Variants in BRWD1 observed in about 807,000 individuals in gnomAD.
BRWD1 encodes bromodomain and WD repeat domain containing 1.
BRWD1 carries 82 observed loss-of-function variants against 251.2 expected under a neutral mutation model. That is an observed-to-expected ratio of 0.33 (90% CI 0.27 to 0.39). The LOEUF is 0.39. Among genes scored for constraint, BRWD1 ranks in the 10% least tolerant of loss-of-function variants. The pLI, the probability that BRWD1 is intolerant of heterozygous loss-of-function variation, is 1.00. For synonymous variants in BRWD1, 918 were observed against 902.8 expected (o/e 1.02, Z -0.30); for missense variants, 2,233 against 2,711.6 (o/e 0.82, Z 3.92).
At chr21:39,281,496 A>G (rs1392735117) in intron 8 of BRWD1, among the ~76,000 whole-genome samples, 3 of 152,154 alleles carry the variant, frequency 2.0e-5, no homozygotes, top group Non-Finnish European at 4.4e-5. Flanking sequence ...AGAGTTCAAG[A>G]CCAGCCTAGG....
chr21:39,225,260 T>C, intron 27 of BRWD1, 63 bp from the exon 28 acceptor site: 2 of 1,178,904 alleles, frequency 1.7e-6, no homozygotes, highest in Non-Finnish European at 1.2e-6. Context: ...ATTTTTTTAA[T>C]CTACAAAATA....
chr21:39,310,811 G>T (rs1034982699), intron 4 of BRWD1, among the ~76,000 whole-genome samples: 5 of 152,096 alleles, frequency 3.3e-5, no homozygotes, highest in Admixed American at 3.3e-4. Context: ...GGCCTCAAGC[G>T]TCCTGCCAAA....
intron 18 of BRWD1, among the ~76,000 whole-genome samples, chr21:39,256,130 T>G (rs2034555730): frequency 6.6e-6 from 1 of 152,206 alleles, no homozygotes; most frequent in Admixed American, 6.5e-5. Context: ...GACAGAATCT[T>G]AACATGACTA....
At chr21:39,318,849 G>A (rs1009951980) in intron 1 of BRWD1, among the ~76,000 whole-genome samples, 1 of 152,118 alleles carries the variant, frequency 6.6e-6, no homozygotes, top group African/African-American at 2.4e-5. Context: ...CAAACTCCTG[G>A]CCTCAAGTGA....
At chr21:39,286,550 T>C (rs1366598755) in intron 8 of BRWD1, among the ~76,000 whole-genome samples, 4 of 151,976 alleles carry the variant, frequency 2.6e-5, no homozygotes, top group African/African-American at 9.7e-5. Context: ...AGTCTCACAC[T>C]GTCACCTGGT....
At chr21:39,218,454 ATGAAAAAAAT>A (rs2146518175) in intron 30 of BRWD1, 41 bp downstream of exon 30, 1 of 1,502,950 alleles carries the variant, frequency 6.7e-7, no homozygotes, top group Non-Finnish European at 8.9e-7. Context: ...AAATACCTTT[ATGAAAAAAAT>A]TGAAAAAAAA....
At chr21:39,253,435 G>C (rs2034464274) in intron 19 of BRWD1, among the ~76,000 whole-genome samples, 1 of 151,960 alleles carries the variant, frequency 6.6e-6, no homozygotes, top group Non-Finnish European at 1.5e-5. Context: ...GAAAATAAAT[G>C]CTTGTGTTTT....
chr21:39,301,044 T>C (rs927318272), intron 4 of BRWD1, among the ~76,000 whole-genome samples: 2 of 152,034 alleles, frequency 1.3e-5, no homozygotes, highest in Non-Finnish European at 2.9e-5. Context: ...CCAGGCGTGG[T>C]GGCAGGTGCC....
At chr21:39,254,055 T>C (rs2034482922) in intron 19 of BRWD1, among the ~76,000 whole-genome samples, 2 of 152,118 alleles carry the variant, frequency 1.3e-5, no homozygotes, top group African/African-American at 4.8e-5. Context: ...TCACCTGAGG[T>C]CGGGAGTTCA....
chr21:39,287,638 T>C (rs1474763349), intron 8 of BRWD1, among the ~76,000 whole-genome samples: 4 of 152,364 alleles, frequency 2.6e-5, no homozygotes, highest in African/African-American at 9.6e-5. Context: ...TCACGTTTCT[T>C]TTTTGTTCCC....
chr21:39,198,840 C>T lies in BRWD1; in HGVS notation c.5576G>A (p.Cys1859Tyr), dbSNP rs745792103. The change falls in exon 40 of 41, where the codon TGT becomes TAT. Residue 1859 changes from cysteine to tyrosine, a missense_variant. Around this residue, in one of 12 missense-constraint regions of BRWD1, gnomAD observed 928 missense variants for 970.0 expected, o/e 0.96. Transcript: ENST00000342449. ...AGTTTCACATCCATGATCTGAGGAA[C>T]ACTGGGACATAGCAATAGGGTCACA... Reference protein sequence around the residue: ...LNCDPIAMSQCSSDHGCETDL... With the variant: ...LNCDPIAMSQYSSDHGCETDL... The T allele has an allele frequency of 6.2e-7, 1 of 1,613,894 alleles. No homozygotes were observed. Among genetic ancestry groups the T allele is most frequent in the Non-Finnish European group, 8.5e-7 (1 of 1,179,840 alleles).
intron 15 of BRWD1, among the ~76,000 whole-genome samples, chr21:39,268,149 A>C (rs1177263934): frequency 1.3e-5 from 2 of 152,212 alleles, no homozygotes; most frequent in East Asian, 3.8e-4. Context: ...CAGGATATTC[A>C]GATTAGTCTC....
chr21:39,194,450 A>G lies in BRWD1; in HGVS notation c.*1809T>C. 7.5e-7 allele frequency: 1 copy of G among 1,327,332 alleles called. No homozygotes were observed. Among genetic ancestry groups the G allele is most frequent in the Non-Finnish European group, 9.6e-7 (1 of 1,040,608 alleles). The allele number at this position is 1,327,332 out of a possible 1,614,324, so 82.2% of individuals were successfully genotyped here. On this transcript the variant is annotated 3_prime_UTR_variant, in exon 41 of 41. Coordinates refer to ENST00000342449, the MANE Select transcript of BRWD1 (RefSeq NM_033656.4). ...TCAGTCTTAGTCAAGGACAATTATC[A>G]TGAATCAATCTGTTTACTATCTACT... is the stretch of plus-strand genomic sequence containing the variant.
chr21:39,305,594 G>C (rs537991616), intron 4 of BRWD1, among the ~76,000 whole-genome samples: 1 of 152,254 alleles, frequency 6.6e-6, no homozygotes, highest in Admixed American at 6.5e-5. Flanking sequence ...GCCTGGTGCA[G>C]TGGCTCACAC....
chr21:39,276,290 C>T (rs2035279425), intron 11 of BRWD1, 77 bp from the exon 12 acceptor site: 1 of 1,349,358 alleles, frequency 7.4e-7, no homozygotes, highest in Non-Finnish European at 1.0e-6. Flanking sequence ...AGTTTTAATG[C>T]TAGAAGCCTA....
chr21:39,312,989 G>A lies in BRWD1; in HGVS notation c.138+83C>T, dbSNP rs1425792982. 5 of 1,052,612 alleles carry A rather than the reference G, an allele frequency of 4.8e-6. No individual in the cohort carries two copies. The African/African-American group carries it at 8.5e-5, about 18-fold the overall frequency. The allele number at this position is 1,052,612 out of a possible 1,614,324, so 65.2% of individuals were successfully genotyped here. ...GGGCCGGGGGCGGGCGGCGGGCGGCGGGCGGGGGGCGCGGGCGAGCATCCC... is the reference window on the plus strand; with the variant it reads ...GGGCCGGGGGCGGGCGGCGGGCGGCAGGCGGGGGGCGCGGGCGAGCATCCC... On this transcript the variant is annotated intron_variant, in intron 3 of 40. Coordinates refer to ENST00000342449, the MANE Select transcript of BRWD1 (RefSeq NM_033656.4).
rs1217796576 is a variant in BRWD1, at chr21:39,187,023, T to A, written c.*9236A>T. ...AGATGCCACTTCTACATTCTCATAG[T>A]CACTATTGTGCATTTTCTTTCCAGG... is the stretch of plus-strand genomic sequence containing the variant. On this transcript the variant is annotated 3_prime_UTR_variant, in exon 41 of 41. Coordinates refer to ENST00000342449, the MANE Select transcript of BRWD1 (RefSeq NM_033656.4). 3.9e-6 allele frequency: 6 copies of A among 1,545,160 alleles called. No homozygotes were observed. The highest frequency in any genetic ancestry group is 1.3e-5 in the South Asian group (1 of 77,404).
At chr21:39,274,299 G>C (rs2035208880) in intron 13 of BRWD1, 75 bp downstream of exon 13, 1 of 1,028,544 alleles carries the variant, frequency 9.7e-7, no homozygotes, top group Non-Finnish European at 1.5e-6. Flanking sequence ...GAGAGACACA[G>C]AGAGCGAGAG....
intron 36 of BRWD1, 50 bp from the exon 37 acceptor site, chr21:39,206,324 C>A: frequency 1.5e-6 from 2 of 1,319,532 alleles, no homozygotes; most frequent in East Asian, 2.4e-5. Flanking sequence ...CTTAAAAGTA[C>A]TTAAGAAATA....
Sources: allele counts gnomAD v4.1 joint callset (sites outside exome capture counted in the v4.1 genomes callset), GRCh38; gene constraint gnomAD v4.1.1; regional missense constraint gnomAD v4.1.1; transcripts MANE v1.5; gene names NCBI Gene and HGNC (gene_info 2026-07-23, HGNC 2026-07-21).